Variants in PRICKLE1 observed in about 807,000 individuals in gnomAD.
PRICKLE1 encodes the protein prickle-like protein 1.
PRICKLE1 carries 14 observed loss-of-function variants against 70.2 expected under a neutral mutation model. The observed-to-expected ratio is 0.20, with a 90% CI of 0.13 to 0.31. PRICKLE1 has a LOEUF of 0.31. Ranked by LOEUF, PRICKLE1 falls within the 10% of genes least tolerant of loss-of-function variation. The pLI is 1.00. For missense variants in PRICKLE1, 821 were observed against 1,026.2 expected (o/e 0.80, Z 2.73); for synonymous variants, 357 against 379.9 (o/e 0.94, Z 0.70).
At chr12:42,514,984 G>T (rs764081196) in intron 1 of PRICKLE1, among the ~76,000 whole-genome samples, 2 of 151,662 alleles carry the variant, frequency 1.3e-5, no homozygotes, top group East Asian at 3.9e-4. Flanking sequence ...GTAGGAGTGC[G>T]GTGGCATGAT....
At chr12:42,564,011 C>A (rs1263438320) in intron 1 of PRICKLE1, among the ~76,000 whole-genome samples, 2 of 152,110 alleles carry the variant, frequency 1.3e-5, no homozygotes. Flanking sequence ...GTAACCCCAG[C>A]ACTTTGGGAG....
chr12:42,548,260 T>C (rs1288248262), intron 1 of PRICKLE1, among the ~76,000 whole-genome samples: 1 of 152,168 alleles, frequency 6.6e-6, no homozygotes, highest in East Asian at 1.9e-4. Flanking sequence ...CTATTTGTGG[T>C]GTCATGTTGG....
At chr12:42,495,071 T>A (rs1409096501) in intron 1 of PRICKLE1, among the ~76,000 whole-genome samples, 8 of 151,246 alleles carry the variant, frequency 5.3e-5, no homozygotes, top group African/African-American at 9.7e-5. Flanking sequence ...TTAAAAAAAA[T>A]TTTTTAAGAG....
chr12:42,559,636 T>TTGGGGGGG (rs769414237), intron 1 of PRICKLE1, among the ~76,000 whole-genome samples: 1 of 88,142 alleles, frequency 1.1e-5, no homozygotes, highest in Admixed American at 1.2e-4. Context: ...TTTTTTTTTT[T>TTGGGGGGG]GGGGGGGGTA....
At position 42,459,099 on chromosome 12, in the gene PRICKLE1, C is replaced by G; in HGVS notation, c.*710G>C. Reference sequence around the variant, plus strand: ...CATAAATTCTGGTTCCCTGGCAAATCTAGCACTGCAGCGTAACAAACGGCT... The same window carrying G: ...CATAAATTCTGGTTCCCTGGCAAATGTAGCACTGCAGCGTAACAAACGGCT... On this transcript the variant is annotated 3_prime_UTR_variant, in exon 8 of 8. Coordinates refer to ENST00000345127, the MANE Select transcript of PRICKLE1 (RefSeq NM_153026.3). 2 of 465,976 alleles carry G rather than the reference C, an allele frequency of 4.3e-6. No individual in the cohort carries two copies. The highest frequency in any genetic ancestry group is 7.7e-6 in the Non-Finnish European group (2 of 261,272). 28.9% of individuals were successfully genotyped at this position (465,976 alleles called of 1,614,324 possible). A position where few individuals can be genotyped will look rare whatever the true frequency, so the allele number is the denominator to read the frequency against.
chr12:42,551,474 T>C (rs1461995469), intron 1 of PRICKLE1, among the ~76,000 whole-genome samples: 3 of 152,174 alleles, frequency 2.0e-5, no homozygotes, highest in Non-Finnish European at 4.4e-5. Flanking sequence ...CTAGCAGATG[T>C]GGAGGGTCCC....
At chr12:42,505,196 G>A (rs1343684736) in intron 1 of PRICKLE1, among the ~76,000 whole-genome samples, 5 of 152,118 alleles carry the variant, frequency 3.3e-5, no homozygotes, top group African/African-American at 1.2e-4. Flanking sequence ...CTGGGGTTAG[G>A]ATCCATTATG....
At position 42,567,188 on chromosome 12, in the gene PRICKLE1, T is replaced by C. The variant is rs552611526; in HGVS notation, c.-49+22277A>G. ...TCAAAGCTCCTCGATGGATACCATC[T>C]ATTATTGAACAAATATTTACTGAAT... On this transcript the variant is annotated intron_variant, in intron 1 of 7. Transcript: ENST00000345127. 2.4e-3 allele frequency among the ~76,000 whole-genome samples: 358 copies of C among 152,322 alleles called. 2 individuals are homozygous for C. The highest frequency in any genetic ancestry group is 3.0e-3 in the Non-Finnish European group (205 of 68,030).
At chr12:42,534,348 G>A (rs948562648) in intron 1 of PRICKLE1, among the ~76,000 whole-genome samples, 7 of 152,140 alleles carry the variant, frequency 4.6e-5, no homozygotes, top group Non-Finnish European at 1.5e-5. Flanking sequence ...GGACTCGGGT[G>A]AATTCCAAAA....
At chr12:42,546,038 C>A (rs1458346917) in intron 1 of PRICKLE1, among the ~76,000 whole-genome samples, 2 of 151,878 alleles carry the variant, frequency 1.3e-5, no homozygotes, top group African/African-American at 4.8e-5. Context: ...AAAAAGCAAT[C>A]TTTCATAAAC....
At chr12:42,502,410 C>T (rs918515016) in intron 1 of PRICKLE1, among the ~76,000 whole-genome samples, 1 of 152,010 alleles carries the variant, frequency 6.6e-6, no homozygotes, top group East Asian at 1.9e-4. Context: ...TGGGCTCAAG[C>T]AATCTTCCTG....
At chr12:42,502,018 C>T (rs546815642) in intron 1 of PRICKLE1, among the ~76,000 whole-genome samples, 5 of 152,058 alleles carry the variant, frequency 3.3e-5, no homozygotes, top group East Asian at 3.9e-4. Flanking sequence ...TCTAGAAGCC[C>T]GTCAATAGGT....
intron 1 of PRICKLE1, among the ~76,000 whole-genome samples, chr12:42,562,191 T>C (rs1353731651): frequency 6.6e-6 from 1 of 152,170 alleles, no homozygotes; most frequent in Non-Finnish European, 1.5e-5. Context: ...ATTACAGGTG[T>C]AAGCCACTGT....
At chr12:42,497,752 A>C (rs747095671) in intron 1 of PRICKLE1, among the ~76,000 whole-genome samples, 18 of 152,208 alleles carry the variant, frequency 1.2e-4, no homozygotes, top group Non-Finnish European at 2.4e-4. Context: ...TGGTGTCAGA[A>C]TAAATGGTGC....
At position 42,460,617 on chromosome 12, in the gene PRICKLE1, A is replaced by G. The variant is rs1002543932; in HGVS notation, c.1688T>C (p.Leu563Pro). The G allele has an allele frequency of 6.2e-7, 1 of 1,613,002 alleles. No individual in the cohort carries two copies. Residue 563 changes from leucine to proline, a missense_variant, in exon 8 of 8, where the codon CTG becomes CCG. By Grantham distance (98) the Leu-to-Pro change is moderately conservative (BLOSUM62 -3). Coordinates refer to ENST00000345127, the MANE Select transcript of PRICKLE1 (RefSeq NM_153026.3). ...ENKPRPSLYS[L>P]QNFEEMETED... ...TGTTTCCATCTCCTCAAAATTTTGC[A>G]GAGAATACAATGATGGCCTTGGCTT... is the stretch of plus-strand genomic sequence containing the variant.
At chr12:42,587,168 T>C (rs1188939121) in intron 1 of PRICKLE1, among the ~76,000 whole-genome samples, 2 of 152,226 alleles carry the variant, frequency 1.3e-5, no homozygotes, top group Non-Finnish European at 2.9e-5. Context: ...GTAAAATATA[T>C]CATTTTTCTT....
At chr12:42,563,494 T>A (rs1444306651) in intron 1 of PRICKLE1, among the ~76,000 whole-genome samples, 8 of 150,154 alleles carry the variant, frequency 5.3e-5, no homozygotes, top group African/African-American at 2.0e-4. Flanking sequence ...GATCAGGAGA[T>A]CGAGACCATC....
At chr12:42,571,743 G>C (rs1940717090) in intron 1 of PRICKLE1, among the ~76,000 whole-genome samples, 1 of 152,172 alleles carries the variant, frequency 6.6e-6, no homozygotes, top group Admixed American at 6.5e-5. Context: ...GTGCATCAAA[G>C]AGCTCATTTG....
At chr12:42,466,911 T>C (rs1938115764) in intron 5 of PRICKLE1, among the ~76,000 whole-genome samples, 2 of 152,126 alleles carry the variant, frequency 1.3e-5, no homozygotes, top group Non-Finnish European at 2.9e-5. Context: ...AGGGTCTCAC[T>C]TGTAGCCCAG....
Sources: allele counts gnomAD v4.1 joint callset (sites outside exome capture counted in the v4.1 genomes callset), GRCh38; gene constraint gnomAD v4.1.1; transcripts MANE v1.5; gene names NCBI Gene and HGNC (gene_info 2026-07-23, HGNC 2026-07-21).